Variants in AGBL4 observed in about 807,000 individuals in gnomAD.
The protein encoded by AGBL4 is AGBL carboxypeptidase 4, also known as cytosolic carboxypeptidase 6.
In AGBL4, 58 loss-of-function variants were observed where a neutral mutation model predicts 66.4. That is an observed-to-expected ratio of 0.87 (90% CI 0.71 to 1.09). The LOEUF (loss-of-function observed/expected upper bound fraction) is 1.09, where lower values mean the gene tolerates loss of function less well. Among genes scored for constraint, AGBL4 ranks in the 50% least tolerant of loss-of-function variants. The pLI, the probability that AGBL4 is intolerant of heterozygous loss-of-function variation, is 0.00. For synonymous variants in AGBL4, 234 were observed against 222.9 expected, an observed-to-expected ratio of 1.05 and a Z score of -0.44; for missense variants, 579 against 631.0, an observed-to-expected ratio of 0.92 and a Z score of 0.88.
chr1:49,692,069 C>T (rs544511142), intron 3 of AGBL4, among the ~76,000 whole-genome samples: 7 of 152,166 alleles, frequency 4.6e-5, no homozygotes, highest in Non-Finnish European at 8.8e-5. Flanking sequence ...GATTGTTTTT[C>T]GCCAGGTCCC....
chr1:48,580,506 G>A (rs1381486175), intron 11 of AGBL4, among the ~76,000 whole-genome samples: 2 of 152,190 alleles, frequency 1.3e-5, no homozygotes, highest in Non-Finnish European at 2.9e-5. Context: ...AGAGGATGGG[G>A]AGGGTTTTTA....
chr1:49,379,534 T>C (rs1644547370), intron 3 of AGBL4, among the ~76,000 whole-genome samples: 1 of 152,176 alleles, frequency 6.6e-6, no homozygotes, highest in Non-Finnish European at 1.5e-5. Context: ...ATAGCTCTTA[T>C]TATTTTGAGA....
intron 2 of AGBL4, among the ~76,000 whole-genome samples, chr1:49,704,781 G>T (rs1647172791): frequency 6.6e-6 from 1 of 152,078 alleles, no homozygotes; most frequent in Non-Finnish European, 1.5e-5. Flanking sequence ...CTGTTCCATT[G>T]GTCTATATAT....
At chr1:49,688,857 A>G (rs1434021464) in intron 3 of AGBL4, among the ~76,000 whole-genome samples, 2 of 152,078 alleles carry the variant, frequency 1.3e-5, no homozygotes, top group African/African-American at 4.8e-5. Context: ...ATGCCTGTTT[A>G]CCATTTGTAT....
intron 3 of AGBL4, among the ~76,000 whole-genome samples, chr1:49,434,714 G>C (rs1288490237): frequency 1.3e-5 from 2 of 151,250 alleles, no homozygotes; most frequent in Non-Finnish European, 3.0e-5. Context: ...GGTGCTGGTG[G>C]TGGTGGTGGT....
At chr1:49,263,405 G>A (rs1005116899) in intron 3 of AGBL4, among the ~76,000 whole-genome samples, 6 of 151,854 alleles carry the variant, frequency 4.0e-5, no homozygotes, top group African/African-American at 9.7e-5. Context: ...GGTTTAATAT[G>A]CAAATTTATA....
At chr1:49,837,087 T>C (rs1388393081) in intron 2 of AGBL4, among the ~76,000 whole-genome samples, 1 of 152,218 alleles carries the variant, frequency 6.6e-6, no homozygotes, top group Non-Finnish European at 1.5e-5. Context: ...AGCACTGTGC[T>C]GGAGGATCCA....
At chr1:49,015,116 C>CT (rs1662715016) in intron 5 of AGBL4, among the ~76,000 whole-genome samples, 1 of 152,140 alleles carries the variant, frequency 6.6e-6, no homozygotes, top group Non-Finnish European at 1.5e-5. Context: ...CTTAGGTCAC[C>CT]TAGAGGCTGG....
chr1:49,533,759 C>T (rs1289442454), intron 3 of AGBL4, among the ~76,000 whole-genome samples: 1 of 152,084 alleles, frequency 6.6e-6, no homozygotes, highest in African/African-American at 2.4e-5. Context: ...TATTTGCCCG[C>T]TTCAACATCC....
chr1:48,703,533 C>T (rs202127157), intron 6 of AGBL4, among the ~76,000 whole-genome samples: 1 of 152,102 alleles, frequency 6.6e-6, no homozygotes, highest in East Asian at 1.9e-4. Flanking sequence ...GTGACAAATA[C>T]ATAATAGGGA....
chr1:49,703,918 A>G (rs1273646618), intron 2 of AGBL4, among the ~76,000 whole-genome samples: 1 of 152,100 alleles, frequency 6.6e-6, no homozygotes, highest in Admixed American at 6.6e-5. Flanking sequence ...TGCAGTAGCA[A>G]CAAGCAATGG....
chr1:48,616,531 A>G (rs1352333577), intron 9 of AGBL4, among the ~76,000 whole-genome samples: 3 of 152,248 alleles, frequency 2.0e-5, no homozygotes, highest in Middle Eastern at 6.3e-3. Context: ...AGTCAACTCT[A>G]TGTATAAGGT....
intron 4 of AGBL4, among the ~76,000 whole-genome samples, chr1:49,201,090 C>T (rs1647662372): frequency 6.6e-6 from 1 of 152,158 alleles, no homozygotes; most frequent in African/African-American, 2.4e-5. Flanking sequence ...TCTATATATC[C>T]TGATAGCACA....
chr1:49,334,005 G>C (rs1645385539), intron 3 of AGBL4, among the ~76,000 whole-genome samples: 1 of 152,198 alleles, frequency 6.6e-6, no homozygotes, highest in South Asian at 2.1e-4. Context: ...AAATAGGCAA[G>C]TTAAGAAGCC....
chr1:49,978,979 A>C (rs1326623362), intron 1 of AGBL4, among the ~76,000 whole-genome samples: 1 of 152,210 alleles, frequency 6.6e-6, no homozygotes, highest in African/African-American at 2.4e-5. Context: ...TATATTGAAA[A>C]ATTTTTTGAA....
chr1:49,740,021 C>T (rs919488400), intron 2 of AGBL4, among the ~76,000 whole-genome samples: 4 of 152,266 alleles, frequency 2.6e-5, no homozygotes, highest in African/African-American at 9.6e-5. Flanking sequence ...CAGCTAACAT[C>T]ATCATGACAG....
chr1:49,191,807 G>A (rs1647125325), intron 4 of AGBL4, among the ~76,000 whole-genome samples: 1 of 152,110 alleles, frequency 6.6e-6, no homozygotes, highest in Non-Finnish European at 1.5e-5. Context: ...CTTTTTTATG[G>A]CTACATAGTA....
rs544505694 is a variant in AGBL4 at position 49,886,541 on chromosome 1, C to G, written c.35-35023G>C. ...TACAATCTAGCCTTGGGGCTCAAAG[C>G]CCAGAGTATTTTCACAGAGAGGAGA... On this transcript the variant is annotated intron_variant, in intron 1 of 13. Coordinates refer to ENST00000371839, the MANE Select transcript of AGBL4 (RefSeq NM_032785.4). Among the ~76,000 whole-genome samples the G allele has an allele frequency of 1.7e-3, 260 of 152,160 alleles. 3 individuals are homozygous for G. Among genetic ancestry groups the G allele is most frequent in the Non-Finnish European group, 3.3e-3 (225 of 67,980 alleles).
intron 1 of AGBL4, among the ~76,000 whole-genome samples, chr1:49,852,363 C>T (rs1025201848): frequency 6.6e-6 from 1 of 152,070 alleles, no homozygotes; most frequent in Non-Finnish European, 1.5e-5. Flanking sequence ...TATTATTAAA[C>T]ATCAAATAAG....
Sources: allele counts gnomAD v4.1 joint callset (sites outside exome capture counted in the v4.1 genomes callset), GRCh38; gene constraint gnomAD v4.1.1; transcripts MANE v1.5; gene names NCBI Gene and HGNC (gene_info 2026-07-23, HGNC 2026-07-21).